AHCTF1: variants seen among roughly 807,000 people sequenced by gnomAD.
AHCTF1 encodes the protein protein ELYS.
In AHCTF1, 24 loss-of-function variants were observed where a neutral mutation model predicts 248.4. That is an observed-to-expected ratio of 0.10 (90% CI 0.07 to 0.14). The LOEUF (loss-of-function observed/expected upper bound fraction) is 0.14. Ranked by LOEUF, AHCTF1 falls within the 10% of genes least tolerant of loss-of-function variation. The pLI is 1.00. For missense variants in AHCTF1, 2,206 were observed against 2,636.2 expected, an observed-to-expected ratio of 0.84 and a Z score of 3.57; for synonymous variants, 786 against 929.8, an observed-to-expected ratio of 0.85 and a Z score of 2.81.
At chr1:246,869,933 T>C (rs942477840) in intron 24 of AHCTF1, among the ~76,000 whole-genome samples, 1 of 152,184 alleles carries the variant, frequency 6.6e-6, no homozygotes, top group African/African-American at 2.4e-5. Flanking sequence ...CTCTGAGAGA[T>C]CCGAACAAAG....
intron 5 of AHCTF1, among the ~76,000 whole-genome samples, chr1:246,906,178 A>C (rs1167558905): frequency 2.0e-5 from 3 of 152,192 alleles, no homozygotes; most frequent in African/African-American, 7.2e-5. Flanking sequence ...GTTCCCATAA[A>C]CTGCTAAAAA....
chr1:246,857,669 G>C, intron 30 of AHCTF1, 22 bp downstream of exon 30: 1 of 1,577,460 alleles, frequency 6.3e-7, no homozygotes. Flanking sequence ...AAAAGTATTT[G>C]AATTTCTCTC....
intron 33 of AHCTF1, among the ~76,000 whole-genome samples, chr1:246,848,622 T>C (rs1041654364): frequency 3.3e-5 from 5 of 151,850 alleles, no homozygotes; most frequent in Non-Finnish European, 5.9e-5. Context: ...TCCCAACACT[T>C]TGGGAGGCTG....
intron 24 of AHCTF1, among the ~76,000 whole-genome samples, chr1:246,868,781 C>T (rs187886155): frequency 1.0e-3 from 152 of 151,608 alleles, no homozygotes; most frequent in Admixed American, 2.7e-3. Flanking sequence ...AAAAGTACCA[C>T]GTGATGAATG....
Position 246,849,603 on chromosome 1 carries a change from A to G in AHCTF1, c.6391+12T>C. ...TGAGATGAAAAACTGTTTTGCAGAG[A>G]AAGAAAAGTACCTTTTGCTTTCCTT... On this transcript the variant is annotated intron_variant, in intron 33 of 35. Coordinates refer to ENST00000648844, the MANE Select transcript of AHCTF1 (RefSeq NM_001323342.2). 1.3e-6 allele frequency: 2 copies of G among 1,585,704 alleles called. No homozygotes were observed. The highest frequency in any genetic ancestry group is 8.6e-7 in the Non-Finnish European group (1 of 1,165,942).
chr1:246,921,668 C>T (rs1666559407), intron 1 of AHCTF1, among the ~76,000 whole-genome samples: 1 of 151,980 alleles, frequency 6.6e-6, no homozygotes, highest in South Asian at 2.1e-4. Flanking sequence ...CTAGGAACTA[C>T]CAAAAAAGAG....
At chr1:246,841,084 T>A in intron 35 of AHCTF1, 86 bp from the exon 36 acceptor site, 1 of 1,173,968 alleles carries the variant, frequency 8.5e-7, no homozygotes. Flanking sequence ...AGAAAAACCT[T>A]AGGGACTGCT....
intron 33 of AHCTF1, among the ~76,000 whole-genome samples, chr1:246,848,274 C>T (rs896768719): frequency 6.6e-6 from 1 of 151,996 alleles, no homozygotes; most frequent in Non-Finnish European, 1.5e-5. Flanking sequence ...AATACAGTGG[C>T]ACAATCTTGG....
intron 8 of AHCTF1, 148 bp from the exon 9 acceptor site, chr1:246,900,617 T>A (rs1326186061): frequency 1.1e-6 from 1 of 883,332 alleles, no homozygotes. Flanking sequence ...ATCATTTGTA[T>A]GTAAGACCAG....
intron 12 of AHCTF1, 79 bp downstream of exon 12, chr1:246,898,129 T>C (rs986203709): frequency 1.9e-6 from 3 of 1,578,088 alleles, no homozygotes; most frequent in Non-Finnish European, 1.7e-6. Context: ...GCAGAAATTA[T>C]CTAATACATT....
intron 29 of AHCTF1, among the ~76,000 whole-genome samples, chr1:246,860,079 G>A (rs562043281): frequency 2.2e-4 from 33 of 151,996 alleles, no homozygotes; most frequent in Non-Finnish European, 4.3e-4. Flanking sequence ...GGCCAATATG[G>A]TGAAACCCCG....
intron 16 of AHCTF1, among the ~76,000 whole-genome samples, 160 bp downstream of exon 16, chr1:246,890,792 AAAGT>A (rs1664158760): frequency 6.6e-6 from 1 of 152,184 alleles, no homozygotes; most frequent in Admixed American, 6.5e-5. Flanking sequence ...ATGAAGATAC[AAAGT>A]AAGGAAAAAT....
rs773716132 is a variant in AHCTF1, at chr1:246,840,809, C to T, written c.6798G>A (p.Leu2266=). 1.8e-5 allele frequency: 28 copies of T among 1,593,428 alleles called. No individual in the cohort carries two copies. The East Asian group carries it at 3.2e-4, about 18-fold the overall frequency. ...ACATTAAAATCTTCCCAAGAAATTA[C>T]AGCATTTTTCTGCGTAAAATTTGCT... ...YPKQILRRKM[L] is the part of the protein sequence containing the mutation. The change falls in exon 36 of 36, where the codon CTG becomes CTA. Residue 2266 remains leucine (L), a synonymous_variant. Coordinates refer to ENST00000648844, the MANE Select transcript of AHCTF1 (RefSeq NM_001323342.2).
At chr1:246,931,430 T>C (rs1667351665) in intron 1 of AHCTF1, 148 bp downstream of exon 1, 2 of 1,409,874 alleles carry the variant, frequency 1.4e-6, no homozygotes, top group South Asian at 2.9e-5. Flanking sequence ...CCCCATCCGT[T>C]GGCCCCGCGC....
rs373338270 is a variant in AHCTF1, at chr1:246,850,085, C to G, written c.5921G>C (p.Arg1974Pro). Reference sequence around the variant, plus strand: ...TGGATTGATTTTTCTTGGTCTACCACGTTTTCTAGGTATGGCAGACATATC... The same window carrying G: ...TGGATTGATTTTTCTTGGTCTACCAGGTTTTCTAGGTATGGCAGACATATC... ...EFDMSAIPRK[R>P]GRPRKINPSE... The change falls in exon 33 of 36, where the codon CGT becomes CCT. Residue 1974 changes from arginine (R) to proline (P), a missense_variant. Around this residue, in one of 6 missense-constraint regions of AHCTF1, gnomAD observed 469 missense variants for 470.0 expected, o/e 1.00. Coordinates refer to ENST00000648844, the MANE Select transcript of AHCTF1 (RefSeq NM_001323342.2). 2 of 1,613,932 alleles carry G rather than the reference C, an allele frequency of 1.2e-6. No individual in the cohort carries two copies. The highest frequency in any genetic ancestry group is 2.2e-5 in the South Asian group (2 of 91,076).
At chr1:246,874,527 T>C (rs1307838258) in intron 24 of AHCTF1, among the ~76,000 whole-genome samples, 2 of 152,096 alleles carry the variant, frequency 1.3e-5, no homozygotes, top group African/African-American at 4.8e-5. Context: ...TCTAACCAAC[T>C]TGACATGGTG....
At chr1:246,849,517 G>T in intron 33 of AHCTF1, 98 bp downstream of exon 33, 1 of 1,475,980 alleles carries the variant, frequency 6.8e-7, no homozygotes, top group Non-Finnish European at 9.1e-7. Flanking sequence ...GGGGGAAGGG[G>T]AAAAATTCCC....
At chr1:246,903,250 G>A (rs553658305) in intron 7 of AHCTF1, among the ~76,000 whole-genome samples, 5 of 152,256 alleles carry the variant, frequency 3.3e-5, no homozygotes, top group East Asian at 3.9e-4. Flanking sequence ...GATCTCCTCA[G>A]GAATTCAGCC....
At chr1:246,929,667 AG>A (rs1667187863) in intron 1 of AHCTF1, among the ~76,000 whole-genome samples, 1 of 152,236 alleles carries the variant, frequency 6.6e-6, no homozygotes, top group Non-Finnish European at 1.5e-5. Context: ...GAGCTAACCG[AG>A]GGAAGTTACA....
Sources: allele counts gnomAD v4.1 joint callset (sites outside exome capture counted in the v4.1 genomes callset), GRCh38; gene constraint gnomAD v4.1.1; regional missense constraint gnomAD v4.1.1; transcripts MANE v1.5; gene names NCBI Gene and HGNC (gene_info 2026-07-23, HGNC 2026-07-21).